The following PRKAR1A variants were observed in gnomAD, a reference collection of about 807,000 sequenced individuals.
The protein encoded by PRKAR1A is protein kinase cAMP-dependent type I regulatory subunit alpha, also known as cAMP-dependent protein kinase type I-alpha regulatory subunit.
PRKAR1A carries 3 observed loss-of-function variants against 52.0 expected under a neutral mutation model. The observed-to-expected ratio is 0.06, with a 90% CI of 0.03 to 0.15. The LOEUF (loss-of-function observed/expected upper bound fraction) is 0.15, where lower values mean the gene tolerates loss of function less well. Among genes scored for constraint, PRKAR1A ranks in the 10% least tolerant of loss-of-function variants. The pLI, the probability that PRKAR1A is intolerant of heterozygous loss-of-function variation, is 1.00. For missense variants in PRKAR1A, 240 were observed against 477.4 expected (o/e 0.50, Z 4.63); for synonymous variants, 188 against 168.4 (o/e 1.12, Z -0.90).
In PRKAR1A at chr17:68,532,260, G is replaced by T; in HGVS notation, c.*1811G>T. ...AAGCTTAAAGCTTGATTTGATCTTT[G>T]TTTAAATGCCAAAATGTACTTAAAT... On this transcript the variant is annotated 3_prime_UTR_variant, in exon 11 of 11. Transcript: ENST00000589228. 9.6e-7 allele frequency: 1 copy of T among 1,044,686 alleles called. No homozygotes were observed. The highest frequency in any genetic ancestry group is 1.2e-6 in the Non-Finnish European group (1 of 860,514). The allele number at this position is 1,044,686 out of a possible 1,614,324, so 64.7% of individuals were successfully genotyped here.
At chr17:68,444,405 C>A in the PRKAR1A span, 24 of 1,225,100 alleles carry the variant, frequency 2.0e-5, no homozygotes, top group East Asian at 5.6e-4. Flanking sequence ...CACTGCTTCA[C>A]GTTCGCAATT....
chr17:68,470,717 CAT>C, the PRKAR1A span, among the ~76,000 whole-genome samples: 16 of 152,270 alleles, frequency 1.1e-4, no homozygotes, highest in East Asian at 7.7e-4. Flanking sequence ...ACAATAAAAA[CAT>C]GTGCCTTTGT....
chr17:68,457,532 GCCCCGTCCCC>G, the PRKAR1A span: 1 of 231,766 alleles, frequency 4.3e-6, no homozygotes. Context: ...CCCCTACCCC[GCCCCGTCCCC>G]ACCCCGCCCC....
At chr17:68,453,703 T>G in the PRKAR1A span, among the ~76,000 whole-genome samples, 20,424 of 152,120 alleles carry the variant, frequency 0.13, 1,457 homozygotes, top group South Asian at 0.21. Context: ...GGTCTTGAAC[T>G]CCTGGCCTCA....
chr17:68,524,988 G>C (rs1187511330), intron 6 of PRKAR1A, 30 bp downstream of exon 6: 1 of 1,555,794 alleles, frequency 6.4e-7, no homozygotes, highest in Non-Finnish European at 8.9e-7. Flanking sequence ...AAAATATGTT[G>C]ATCTTAAAAG....
chr17:68,499,356 A>G, the PRKAR1A span, among the ~76,000 whole-genome samples: 1 of 144,350 alleles, frequency 6.9e-6, no homozygotes, highest in Non-Finnish European at 1.5e-5. Context: ...TCATGGAAGT[A>G]GAAGGGAGGA....
At chr17:68,488,158 G>C in the PRKAR1A span, among the ~76,000 whole-genome samples, 1 of 152,084 alleles carries the variant, frequency 6.6e-6, no homozygotes, top group African/African-American at 2.4e-5. Flanking sequence ...AGGCTGTTTG[G>C]GGAGGTCTAT....
At chr17:68,516,726 A>AT (rs1186637463) in intron 2 of PRKAR1A, among the ~76,000 whole-genome samples, 1 of 135,038 alleles carries the variant, frequency 7.4e-6, no homozygotes, top group Non-Finnish European at 1.6e-5. Context: ...GATCAGAATA[A>AT]TTAAAAAAAA....
chr17:68,523,663 G>A (rs2085688318), intron 3 of PRKAR1A, 62 bp from the exon 4 acceptor site: 3 of 1,308,198 alleles, frequency 2.3e-6, no homozygotes, highest in Non-Finnish European at 3.3e-6. Context: ...TGAAGCGCAG[G>A]TTGCAAACGT....
chr17:68,506,506 C>G, the PRKAR1A span, among the ~76,000 whole-genome samples: 5 of 147,012 alleles, frequency 3.4e-5, no homozygotes, highest in Admixed American at 3.5e-4. Flanking sequence ...TTTTTTGAGA[C>G]AGAGTGTCGC....
chr17:68,522,987 T>C, intron 3 of PRKAR1A, 61 bp downstream of exon 3: 1 of 1,578,752 alleles, frequency 6.3e-7, no homozygotes, highest in Non-Finnish European at 8.7e-7. Context: ...GGTCATCTAG[T>C]CTCCTTTGAT....
chr17:68,502,700 T>C, the PRKAR1A span, among the ~76,000 whole-genome samples: 2 of 139,664 alleles, frequency 1.4e-5, no homozygotes, highest in African/African-American at 2.7e-5. Context: ...TGCAGTGAGC[T>C]GAGATTGCAC....
intron 11 of PRKAR1A, chr17:68,540,952 CT>C (rs770800860): frequency 6.3e-7 from 1 of 1,587,442 alleles, no homozygotes; most frequent in Non-Finnish European, 8.6e-7. Flanking sequence ...GGGGATTGAC[CT>C]CCCACCTGAG....
the PRKAR1A span, among the ~76,000 whole-genome samples, chr17:68,471,638 GA>G: frequency 6.6e-6 from 1 of 152,282 alleles, no homozygotes; most frequent in South Asian, 2.1e-4. Flanking sequence ...ATTACTGGGA[GA>G]GGGGGGAGGT....
chr17:68,494,235 ATTTG>A, the PRKAR1A span, among the ~76,000 whole-genome samples: 3 of 152,108 alleles, frequency 2.0e-5, no homozygotes, highest in Non-Finnish European at 4.4e-5. Context: ...GGCCTAAGTA[ATTTG>A]TTTGAGTAAG....
rs979977629 is a variant in PRKAR1A at position 68,546,567 on chromosome 17, G to A, written c.974-4517G>A. On this transcript the variant is annotated intron_variant, in intron 11 of 11. Transcript: ENST00000585981. ...AAGACTTGGCTGGGCGTGGTGGCTC[G>A]CGCCTATAATCCCAGCACTTTGGGA... Among the ~76,000 whole-genome samples, 9 of 151,926 alleles carry A rather than the reference G, an allele frequency of 5.9e-5. 1 individual carries two copies. The highest frequency in any genetic ancestry group is 1.9e-4 in the East Asian group (1 of 5,164).
intron 1 of PRKAR1A, chr17:68,513,024 G>C (rs28524039): frequency 6.6e-6 from 1 of 152,220 alleles, no homozygotes; most frequent in African/African-American, 2.4e-5. Context: ...GCTAGCAGTA[G>C]CCTTTCCTCT....
At chr17:68,421,936 G>T in the PRKAR1A span, 1 of 1,347,966 alleles carries the variant, frequency 7.4e-7, no homozygotes. Context: ...GGGCACTGTG[G>T]AATTTTTCTG....
At chr17:68,450,987 G>T in the PRKAR1A span, 1 of 1,483,694 alleles carries the variant, frequency 6.7e-7, no homozygotes. Context: ...GCGCAGGCCA[G>T]GTTCCAAAGG....
Sources: gnomAD v4.1 joint callset for allele counts (sites outside exome capture counted in the v4.1 genomes callset) on GRCh38, gnomAD v4.1.1 for gene constraint, MANE v1.5 for transcripts, NCBI Gene and HGNC (gene_info 2026-07-23, HGNC 2026-07-21) for gene names.